Variants in CCSER2 observed in about 807,000 individuals in gnomAD.
CCSER2 encodes serine-rich coiled-coil domain-containing protein 2.
In CCSER2, 46 loss-of-function variants were observed where a neutral mutation model predicts 92.3. The observed-to-expected ratio is 0.50, with a 90% confidence interval of 0.39 to 0.64. The LOEUF is 0.64. CCSER2 is among the 30% of genes least tolerant of loss of function. The probability of loss-of-function intolerance (pLI) is 0.00; values close to 1 mark genes in which losing one functional copy is unlikely to be tolerated. For synonymous variants in CCSER2, 433 were observed against 431.4 expected (o/e 1.00, Z -0.04); for missense variants, 1,244 against 1,238.9 (o/e 1.00, Z -0.06).
intron 1 of CCSER2, among the ~76,000 whole-genome samples, chr10:84,364,084 GA>G (rs34648188): frequency 0.21 from 31,879 of 151,846 alleles, 3,602 homozygotes; most frequent in Admixed American, 0.34. Context: ...ATATAAAAGA[GA>G]AAAAAATGGT....
intron 3 of CCSER2, among the ~76,000 whole-genome samples, chr10:84,380,681 C>T (rs1284446585): frequency 6.7e-6 from 1 of 149,342 alleles, no homozygotes; most frequent in African/African-American, 2.5e-5. Flanking sequence ...CTTGGATTCT[C>T]TGTGTTCCTT....
intron 1 of CCSER2, among the ~76,000 whole-genome samples, chr10:84,329,674 C>G (rs77495383): frequency 8.5e-5 from 13 of 152,114 alleles, no homozygotes; most frequent in Non-Finnish European, 1.8e-4. Context: ...ATCTTTTAGA[C>G]TAGAGACTTT....
At chr10:84,369,426 G>C (rs1033988775) in intron 1 of CCSER2, among the ~76,000 whole-genome samples, 1 of 151,894 alleles carries the variant, frequency 6.6e-6, no homozygotes, top group Non-Finnish European at 1.5e-5. Context: ...GTGATGTTGA[G>C]CATTTTTTTT....
intron 4 of CCSER2, among the ~76,000 whole-genome samples, chr10:84,425,389 C>T (rs1390154654): frequency 6.6e-6 from 1 of 152,154 alleles, no homozygotes; most frequent in Non-Finnish European, 1.5e-5. Flanking sequence ...CAACTTGTGA[C>T]AGTGATGAAA....
intron 1 of CCSER2, among the ~76,000 whole-genome samples, chr10:84,342,911 G>A (rs945771565): frequency 2.0e-5 from 3 of 151,870 alleles, no homozygotes; most frequent in African/African-American, 7.3e-5. Context: ...ATGGAGTCTC[G>A]CTCTGTCGCC....
chr10:84,386,533 A>G (rs890899604), intron 3 of CCSER2, among the ~76,000 whole-genome samples: 1 of 152,166 alleles, frequency 6.6e-6, no homozygotes, highest in Non-Finnish European at 1.5e-5. Context: ...CTTGGCCAAC[A>G]TGGCTAAACC....
At chr10:84,457,259 AATATATT>A (rs1458605886) in intron 6 of CCSER2, among the ~76,000 whole-genome samples, 40 of 55,100 alleles carry the variant, frequency 7.3e-4, no homozygotes, top group East Asian at 3.1e-3. Flanking sequence ...TATTATATAA[AATATATT>A]ATATATAATA....
At chr10:84,339,448 A>T (rs1844046089) in intron 1 of CCSER2, among the ~76,000 whole-genome samples, 1 of 150,676 alleles carries the variant, frequency 6.6e-6, no homozygotes, top group Middle Eastern at 3.2e-3. Flanking sequence ...CTGCTTTTGC[A>T]CATACTATTA....
intron 7 of CCSER2, among the ~76,000 whole-genome samples, chr10:84,468,994 AT>A (rs1846620366): frequency 6.6e-6 from 1 of 152,164 alleles, no homozygotes. Context: ...TAAATACAAC[AT>A]TTTACCAGTT....
chr10:84,450,432 C>T (rs1845209165), intron 6 of CCSER2, among the ~76,000 whole-genome samples: 1 of 152,156 alleles, frequency 6.6e-6, no homozygotes. Context: ...TGTGCATACA[C>T]ATGTAAATGC....
At position 84,447,588 on chromosome 10, in the gene CCSER2, G is replaced by A. The variant is rs146935040; in HGVS notation, c.2064+8881G>A. Among the ~76,000 whole-genome samples, 1,343 of 152,206 alleles carry A rather than the reference G, an allele frequency of 8.8e-3. 17 individuals are homozygous for A. The highest frequency in any genetic ancestry group is 0.031 in the African/African-American group (1,272 of 41,532). ...TTTTTCTTTGTGGTTTGCACTTTTA[G>A]AAATCCTTGTTTGAAAATCCTTTCT... On this transcript the variant is annotated intron_variant, in intron 6 of 9. Coordinates refer to ENST00000372088, the MANE Select transcript of CCSER2 (RefSeq NM_001284240.2).
At chr10:84,403,688 T>G (rs1353825396) in intron 3 of CCSER2, among the ~76,000 whole-genome samples, 1 of 152,234 alleles carries the variant, frequency 6.6e-6, no homozygotes, top group Admixed American at 6.5e-5. Context: ...ACATTCATCA[T>G]AATTAACCCT....
At chr10:84,488,740 C>G (rs1476645276) in intron 9 of CCSER2, among the ~76,000 whole-genome samples, 1 of 152,146 alleles carries the variant, frequency 6.6e-6, no homozygotes, top group African/African-American at 2.4e-5. Flanking sequence ...CTATTTCCTT[C>G]AGTTCTGCTC....
At chr10:84,349,261 A>G (rs1353763922) in intron 1 of CCSER2, among the ~76,000 whole-genome samples, 1 of 152,122 alleles carries the variant, frequency 6.6e-6, no homozygotes, top group East Asian at 1.9e-4. Context: ...TGACAGCACA[A>G]TCCCATTAAT....
At chr10:84,349,403 T>G (rs1475085696) in intron 1 of CCSER2, among the ~76,000 whole-genome samples, 1 of 152,172 alleles carries the variant, frequency 6.6e-6, no homozygotes, top group Non-Finnish European at 1.5e-5. Context: ...CTGGGTGCAG[T>G]GGTTCACGCC....
chr10:84,441,857 C>G (rs200984109), intron 6 of CCSER2, among the ~76,000 whole-genome samples: 1 of 145,880 alleles, frequency 6.9e-6, no homozygotes, highest in East Asian at 2.0e-4. Flanking sequence ...CCTGGGTTCA[C>G]GCCATTCTCC....
intron 9 of CCSER2, among the ~76,000 whole-genome samples, chr10:84,496,883 T>C (rs960472045): frequency 3.3e-5 from 5 of 152,172 alleles, no homozygotes; most frequent in African/African-American, 1.2e-4. Flanking sequence ...ATATTGTGTT[T>C]TATATATAGT....
At chr10:84,338,554 C>G (rs1843980294) in intron 1 of CCSER2, among the ~76,000 whole-genome samples, 1 of 152,178 alleles carries the variant, frequency 6.6e-6, no homozygotes, top group African/African-American at 2.4e-5. Context: ...TCTGTGCACT[C>G]AAGGTCCATC....
rs115770410 is a variant in CCSER2, at chr10:84,482,587, G to A, written c.2325+4923G>A. ...AAAATATGAATATTCTGCACGTTAA[G>A]TAAATTGTAAAATCTTATGATATGT... is the stretch of plus-strand genomic sequence containing the variant. On this transcript the variant is annotated intron_variant, in intron 9 of 9. Transcript: ENST00000372088. Among the ~76,000 whole-genome samples the A allele has an allele frequency of 9.0e-3, 1,364 of 152,222 alleles. 18 individuals carry two copies. Among genetic ancestry groups the A allele is most frequent in the African/African-American group, 0.031 (1,293 of 41,536 alleles).
Sources: gnomAD v4.1 joint callset for allele counts (sites outside exome capture counted in the v4.1 genomes callset) on GRCh38, gnomAD v4.1.1 for gene constraint, MANE v1.5 for transcripts, NCBI Gene and HGNC (gene_info 2026-07-23, HGNC 2026-07-21) for gene names.